Variants in RBFOX1 observed in about 807,000 individuals in gnomAD.
RBFOX1 encodes RNA binding protein fox-1 homolog 1.
RBFOX1 carries 8 observed loss-of-function variants against 57.7 expected under a neutral mutation model. The ratio of observed to expected loss-of-function variants is 0.14; its 90% CI spans 0.08 to 0.25. RBFOX1 has a LOEUF of 0.25. RBFOX1 is among the 10% of genes least tolerant of loss of function. RBFOX1 has a pLI of 1.00. For missense variants in RBFOX1, 611 were observed against 548.5 expected, an observed-to-expected ratio of 1.11 and a Z score of -1.14; for synonymous variants, 326 against 222.4, an observed-to-expected ratio of 1.47 and a Z score of -4.15.
At chr16:6,937,947 C>T (rs564342758) in intron 3 of RBFOX1, among the ~76,000 whole-genome samples, 5 of 126,478 alleles carry the variant, frequency 4.0e-5, no homozygotes, top group Non-Finnish European at 6.2e-5. Flanking sequence ...CTTTGGAATG[C>T]CCTGGCTGAG....
chr16:6,038,687 G>A (rs1398579626), intron 1 of RBFOX1: 3 of 148,266 alleles, frequency 2.0e-5, no homozygotes, highest in African/African-American at 7.4e-5. Flanking sequence ...TAAGCAAAAT[G>A]AATAAAGTTC....
intron 5 of RBFOX1, among the ~76,000 whole-genome samples, chr16:7,556,733 T>G (rs1004727660): frequency 3.9e-5 from 6 of 152,188 alleles, no homozygotes; most frequent in Admixed American, 3.9e-4. Context: ...ATCTATAAAA[T>G]GGGCATAATT....
At chr16:5,457,831 A>G (rs1597146306) in intron 1 of RBFOX1, among the ~76,000 whole-genome samples, 1 of 152,248 alleles carries the variant, frequency 6.6e-6, no homozygotes, top group Non-Finnish European at 1.5e-5. Flanking sequence ...GAGCTCTGTG[A>G]GAGTAGGGTT....
chr16:5,795,325 AC>A (rs2054841260), intron 3 of RBFOX1, among the ~76,000 whole-genome samples: 2 of 151,644 alleles, frequency 1.3e-5, no homozygotes, highest in African/African-American at 4.8e-5. Context: ...TTTTCTTGAA[AC>A]AAGGTCTTAC....
rs946262746 is a variant in RBFOX1, at chr16:6,834,931, T to G, written c.-16+180281T>G. On this transcript the variant is annotated intron_variant, in intron 3 of 15. Transcript: ENST00000550418. ...TTTTTGAGATGGTGTCTCGCTCTGT[T>G]GCCCAGGCTGGAGTGCAGTGGCGCG... Among the ~76,000 whole-genome samples, 11 of 149,338 alleles carry G rather than the reference T, an allele frequency of 7.4e-5. No homozygotes were observed. In the East Asian group the frequency reaches 1.6e-3, roughly 22 times the overall value.
chr16:7,187,487 A>T (rs948632252), intron 4 of RBFOX1, among the ~76,000 whole-genome samples: 4 of 151,556 alleles, frequency 2.6e-5, no homozygotes, highest in African/African-American at 4.9e-5. Context: ...CAGGAGATCG[A>T]GACCATCCTG....
At chr16:7,365,492 C>A (rs1441444230) in intron 4 of RBFOX1, among the ~76,000 whole-genome samples, 1 of 152,076 alleles carries the variant, frequency 6.6e-6, no homozygotes, top group Non-Finnish European at 1.5e-5. Flanking sequence ...ATTTTTTTCC[C>A]CCCCACAGGG....
At chr16:6,814,342 A>T (rs1603628066) in intron 3 of RBFOX1, among the ~76,000 whole-genome samples, 1 of 152,072 alleles carries the variant, frequency 6.6e-6, no homozygotes, top group Non-Finnish European at 1.5e-5. Flanking sequence ...ATAGCTCCTG[A>T]TCATGTCCTA....
chr16:6,556,886 T>C (rs764246814), intron 2 of RBFOX1, among the ~76,000 whole-genome samples: 3 of 151,540 alleles, frequency 2.0e-5, no homozygotes, highest in African/African-American at 7.3e-5. Context: ...GTAGAGGAGA[T>C]TTCACTTAAC....
At chr16:6,259,651 G>C (rs1454670255) in intron 1 of RBFOX1, among the ~76,000 whole-genome samples, 2 of 152,004 alleles carry the variant, frequency 1.3e-5, no homozygotes, top group East Asian at 3.9e-4. Flanking sequence ...CATGTACGTA[G>C]AACAAATAAA....
At chr16:7,010,215 C>G (rs1178155113) in intron 3 of RBFOX1, among the ~76,000 whole-genome samples, 2 of 152,150 alleles carry the variant, frequency 1.3e-5, no homozygotes, top group African/African-American at 2.4e-5. Flanking sequence ...ATTATTAAGT[C>G]CTGAAGCTCA....
At chr16:6,316,534 C>A (rs762049537) in intron 1 of RBFOX1, among the ~76,000 whole-genome samples, 1 of 152,178 alleles carries the variant, frequency 6.6e-6, no homozygotes, top group South Asian at 2.1e-4. Context: ...GAATTTATTT[C>A]ATCCAAGCTA....
At chr16:7,150,084 G>T (rs138339789) in intron 4 of RBFOX1, among the ~76,000 whole-genome samples, 182 of 152,300 alleles carry the variant, frequency 1.2e-3, no homozygotes, top group African/African-American at 4.2e-3. Context: ...CAGGTTGCCT[G>T]TTCTTCCCTC....
At chr16:7,144,691 G>T (rs1009371217) in intron 4 of RBFOX1, among the ~76,000 whole-genome samples, 2 of 152,014 alleles carry the variant, frequency 1.3e-5, no homozygotes, top group African/African-American at 4.8e-5. Context: ...ACTCTGCAGA[G>T]CAGCTTCCCT....
At chr16:6,009,081 C>T (rs144709077) in intron 4 of RBFOX1, among the ~76,000 whole-genome samples, 7 of 151,812 alleles carry the variant, frequency 4.6e-5, no homozygotes, top group East Asian at 1.9e-4. Context: ...TATCATAAGG[C>T]ATATGGTTTG....
chr16:5,972,589 G>T (rs894103093), intron 4 of RBFOX1, among the ~76,000 whole-genome samples: 1 of 152,300 alleles, frequency 6.6e-6, no homozygotes, highest in African/African-American at 2.4e-5. Context: ...GATGAGATGC[G>T]GCACCTGGAA....
intron 4 of RBFOX1, among the ~76,000 whole-genome samples, chr16:7,164,252 A>C (rs1394880414): frequency 1.3e-5 from 2 of 152,156 alleles, no homozygotes; most frequent in African/African-American, 4.8e-5. Context: ...CACCTAGAAT[A>C]ATGGTTTTCA....
chr16:6,436,471 T>C (rs1002288982), intron 2 of RBFOX1, among the ~76,000 whole-genome samples: 8 of 151,720 alleles, frequency 5.3e-5, no homozygotes, highest in African/African-American at 1.7e-4. Flanking sequence ...TAAAACATGC[T>C]GTGAACAATT....
At chr16:6,747,696 T>G (rs1290003393) in intron 3 of RBFOX1, among the ~76,000 whole-genome samples, 4 of 152,164 alleles carry the variant, frequency 2.6e-5, no homozygotes, top group African/African-American at 9.7e-5. Context: ...CTGCCTTTTT[T>G]GCAAAAGCAG....
Sources: gnomAD v4.1 joint callset for allele counts (sites outside exome capture counted in the v4.1 genomes callset) on GRCh38, gnomAD v4.1.1 for gene constraint, MANE v1.5 for transcripts, NCBI Gene and HGNC (gene_info 2026-07-23, HGNC 2026-07-21) for gene names.